CUL4B: variants seen among roughly 807,000 people sequenced by gnomAD.
The protein encoded by CUL4B is cullin 4B, also known as cullin-4B.
In CUL4B, 1 loss-of-function variant was observed where a neutral mutation model predicts 69.2. That is an observed-to-expected ratio of 0.01 (90% confidence interval 0.01 to 0.07). The LOEUF is 0.07. Among genes scored for constraint, CUL4B ranks in the 10% least tolerant of loss-of-function variants. CUL4B has a pLI of 1.00. For synonymous variants in CUL4B, 237 were observed against 223.2 expected (o/e 1.06, Z -0.55); for missense variants, 328 against 638.8 (o/e 0.51, Z 5.24).
At chrX:120,554,219 C>T (rs954988889) in intron 2 of CUL4B, among the ~76,000 whole-genome samples, 2 of 112,054 alleles carry the variant, frequency 1.8e-5, no homozygotes, top group African/African-American at 6.5e-5. Flanking sequence ...TCATTTACGT[C>T]TAAAAAACCC....
chrX:120,540,462 C>T lies in CUL4B; in HGVS notation c.1544G>A (p.Cys515Tyr). The T allele has an allele frequency of 8.3e-7, 1 of 1,198,741 alleles. No homozygotes were observed. The highest frequency in any genetic ancestry group is 1.1e-6 in the Non-Finnish European group (1 of 883,839). The change falls in exon 11 of 20, where the codon TGC (cysteine) becomes TAC (tyrosine). Residue 515 changes from cysteine (C) to tyrosine (Y), a missense_variant. Coordinates refer to ENST00000371322, the MANE Select transcript of CUL4B (RefSeq NM_001079872.2). Reference protein sequence around the residue: ...KDKVDHIIDICFLKNEKFINA... With the variant: ...KDKVDHIIDIYFLKNEKFINA... The stretch of plus-strand genomic sequence containing the variant: ...GATAAATTTCTCATTCTTCAGAAAG[C>T]AGATATCAATTATATGGTCAACCTT...
intron 2 of CUL4B, among the ~76,000 whole-genome samples, chrX:120,556,228 T>C (rs748010886): frequency 1.4e-4 from 16 of 111,765 alleles, no homozygotes; most frequent in Non-Finnish European, 2.8e-4. Flanking sequence ...CTACAACTAC[T>C]AGCCGACATT....
At chrX:120,531,941 A>G (rs1923345379) in intron 18 of CUL4B, among the ~76,000 whole-genome samples, 1 of 111,218 alleles carries the variant, frequency 9.0e-6, no homozygotes, top group Admixed American at 9.6e-5. Context: ...ATTATGTACT[A>G]AGACTCCTAA....
At chrX:120,534,728 A>T (rs1923547426) in intron 16 of CUL4B, 142 bp from the exon 17 acceptor site, 2 of 486,600 alleles carry the variant, frequency 4.1e-6, no homozygotes, top group African/African-American at 4.7e-5. Context: ...TTGACGTGGT[A>T]ATACAGTATT....
downstream of CUL4B, among the ~76,000 whole-genome samples, chrX:120,568,498 T>C (rs1158633561): frequency 8.9e-6 from 1 of 112,135 alleles, no homozygotes; most frequent in African/African-American, 3.2e-5. Flanking sequence ...GTCATGTATT[T>C]TTCCTGCTTC....
In CUL4B at chrX:120,524,434, C is replaced by T. The variant is rs1409891001; in HGVS notation, c.*2327G>A. ...TGGGAATTTTCCTCACCCTGTTAAC[C>T]ATGCCCTCCCCCATACTCTTATAGC... On this transcript the variant is annotated 3_prime_UTR_variant, in exon 20 of 20. Transcript: ENST00000371322. 1.8e-5 allele frequency among the ~76,000 whole-genome samples: 2 copies of T among 111,368 alleles called. No individual in the cohort carries two copies.
At chrX:120,540,152 C>T (rs906685264) in intron 11 of CUL4B, among the ~76,000 whole-genome samples, 3 of 112,143 alleles carry the variant, frequency 2.7e-5, no homozygotes, top group Non-Finnish European at 3.8e-5. Flanking sequence ...TAGTGTCCAA[C>T]GTACTGTCTT....
upstream of CUL4B, chrX:120,561,155 A>C: frequency 1.1e-6 from 1 of 892,016 alleles, no homozygotes; most frequent in Non-Finnish European, 1.5e-6. Flanking sequence ...GGGTGAGGGA[A>C]GCGCTGCAGC....
At chrX:120,561,203 G>T, upstream of CUL4B, 1 of 600,542 alleles carries the variant, frequency 1.7e-6, no homozygotes, top group Non-Finnish European at 2.6e-6. Context: ...TGAGGGGGCG[G>T]CTGGAAAGGG....
At chrX:120,540,668 G>A in intron 10 of CUL4B, 106 bp from the exon 11 acceptor site, 1 of 586,023 alleles carries the variant, frequency 1.7e-6, no homozygotes, top group Non-Finnish European at 2.7e-6. Context: ...TCTTTAAAAA[G>A]TAAGATAAAG....
chrX:120,536,834 A>AT, intron 15 of CUL4B, 93 bp downstream of exon 15: 1 of 650,699 alleles, frequency 1.5e-6, no homozygotes, highest in Non-Finnish European at 2.5e-6. Flanking sequence ...CTGGGTCTCT[A>AT]TTTTTTTCTA....
intron 4 of CUL4B, 118 bp from the exon 5 acceptor site, chrX:120,545,635 C>A: frequency 2.0e-6 from 1 of 505,466 alleles, no homozygotes; most frequent in Non-Finnish European, 3.5e-6. Flanking sequence ...TTACTAAGAT[C>A]AAACATGCAG....
chrX:120,542,133 T>G (rs1209858517), intron 9 of CUL4B, among the ~76,000 whole-genome samples: 1 of 111,651 alleles, frequency 9.0e-6, no homozygotes, highest in Non-Finnish European at 1.9e-5. Flanking sequence ...CCATAATGGT[T>G]TGTGCCATTT....
Position 120,540,475 on chromosome X carries a change from T to C in CUL4B, c.1531A>G (p.Ile511Val), listed in dbSNP as rs1375607195. 4.2e-6 allele frequency: 5 copies of C among 1,201,896 alleles called. No homozygotes were observed. The East Asian group carries it at 8.9e-5, about 21-fold the overall frequency. The change falls in exon 11 of 20, where the codon ATA becomes GTA. Residue 511 changes from isoleucine to valine, a missense_variant. Ile to Val is a conservative substitution (Grantham distance 29). Around this residue, in one of 4 missense-constraint regions of CUL4B, gnomAD observed 98 missense variants for 296.8 expected, o/e 0.33. Transcript: ENST00000371322. Reference protein sequence around the residue: ...LLDFKDKVDHIIDICFLKNEK... With the variant: ...LLDFKDKVDHVIDICFLKNEK... ...TTCTTCAGAAAGCAGATATCAATTA[T>C]ATGGTCAACCTTATCTTTAAAATCC... is the stretch of plus-strand genomic sequence containing the variant.
At chrX:120,531,017 C>T (rs886415289) in intron 18 of CUL4B, among the ~76,000 whole-genome samples, 5 of 111,338 alleles carry the variant, frequency 4.5e-5, no homozygotes, top group African/African-American at 1.3e-4. Flanking sequence ...AGATACTGGT[C>T]GCTGTCCTAC....
At chrX:120,532,394 T>C in intron 18 of CUL4B, 28 bp downstream of exon 18, 4 of 1,129,915 alleles carry the variant, frequency 3.5e-6, no homozygotes, top group East Asian at 3.0e-5. Flanking sequence ...TCCAGTGTGT[T>C]AGGACTAAGA....
At position 120,538,477 on chromosome X, in the gene CUL4B, T is replaced by TA. The variant is rs765203891; in HGVS notation, c.1852+182dup. The TA allele has an allele frequency of 3.6e-3, 1,454 of 409,558 alleles. 4 individuals carry two copies. Among genetic ancestry groups the TA allele is most frequent in the Non-Finnish European group, 5.0e-3 (1,210 of 241,476 alleles). The allele number at this position is 409,558 out of a possible 1,213,427, so 33.8% of individuals were successfully genotyped here. On this transcript the variant is annotated intron_variant, in intron 13 of 19. Coordinates refer to ENST00000371322, the MANE Select transcript of CUL4B (RefSeq NM_001079872.2). ...TAAAACCAAGAACAATGCTTTATCTTAAAAAAAACAACTCTGGATATTATG... is the reference window on the plus strand; with the variant it reads ...TAAAACCAAGAACAATGCTTTATCTTAAAAAAAAACAACTCTGGATATTATG...
downstream of CUL4B, among the ~76,000 whole-genome samples, chrX:120,567,266 G>A (rs768934084): frequency 3.7e-5 from 4 of 108,795 alleles, no homozygotes; most frequent in East Asian, 1.2e-3. Flanking sequence ...TGGGATTACA[G>A]GTGTGCACCA....
At chrX:120,561,621 C>T (rs935282067), upstream of CUL4B, among the ~76,000 whole-genome samples, 1 of 104,847 alleles carries the variant, frequency 9.5e-6, no homozygotes, top group Non-Finnish European at 2.0e-5. Context: ...CGGCGAGGGG[C>T]GGAGTGAGCT....
Sources: gnomAD v4.1 joint callset for allele counts (sites outside exome capture counted in the v4.1 genomes callset) on GRCh38, gnomAD v4.1.1 for gene constraint, gnomAD v4.1.1 regional missense constraint, MANE v1.5 for transcripts, NCBI Gene and HGNC (gene_info 2026-07-23, HGNC 2026-07-21) for gene names.